Variants in KCNC2 observed in about 807,000 individuals in gnomAD.
The protein encoded by KCNC2 is potassium voltage-gated channel subfamily C member 2.
Under a neutral mutation model 44.5 loss-of-function variants are expected in KCNC2, and 21 were observed. The ratio of observed to expected loss-of-function variants is 0.47; its 90% CI spans 0.33 to 0.68. The LOEUF (loss-of-function observed/expected upper bound fraction) is 0.68, where lower values mean the gene tolerates loss of function less well. Ranked by LOEUF, KCNC2 falls within the 30% of genes least tolerant of loss-of-function variation. KCNC2 has a pLI of 0.01. For missense variants in KCNC2, 589 were observed against 826.2 expected, an observed-to-expected ratio of 0.71 and a Z score of 3.52; for synonymous variants, 391 against 339.1, an observed-to-expected ratio of 1.15 and a Z score of -1.68.
chr12:75,043,846 A>C, intron 4 of KCNC2: 1 of 1,151,122 alleles, frequency 8.7e-7, no homozygotes, highest in Non-Finnish European at 1.2e-6. Context: ...AAAAAAAAGA[A>C]AATGAATGAA....
At chr12:75,114,932 C>T (rs1887540561) in intron 2 of KCNC2, among the ~76,000 whole-genome samples, 1 of 140,896 alleles carries the variant, frequency 7.1e-6, no homozygotes, top group African/African-American at 2.7e-5. Flanking sequence ...GGCGCGATCT[C>T]GGCTCACTGC....
intron 2 of KCNC2, among the ~76,000 whole-genome samples, chr12:75,168,095 C>T (rs1026542908): frequency 2.0e-5 from 3 of 146,688 alleles, no homozygotes; most frequent in African/African-American, 7.4e-5. Flanking sequence ...CATCATTTGC[C>T]CTCCTAAAAC....
At chr12:75,087,352 A>G (rs1468352051) in intron 2 of KCNC2, among the ~76,000 whole-genome samples, 2 of 152,082 alleles carry the variant, frequency 1.3e-5, no homozygotes, top group Non-Finnish European at 2.9e-5. Context: ...GTTAGTCAAG[A>G]TAACATTCTA....
chr12:75,074,702 A>G lies in KCNC2; in HGVS notation c.688-23385T>C, dbSNP rs547638047. ...GCTTTGCTCAGCTCTCATTTATTTC[A>G]TACATATTTATTATACATCTACTGT... On this transcript the variant is annotated intron_variant, in intron 2 of 4. Coordinates refer to ENST00000549446, the MANE Select transcript of KCNC2 (RefSeq NM_139137.4). Among the ~76,000 whole-genome samples the G allele has an allele frequency of 7.2e-5, 11 of 152,302 alleles. 1 individual carries two copies. In the South Asian group the frequency reaches 2.1e-3, roughly 29 times the overall value.
rs183652332 is a variant in KCNC2 at position 75,173,147 on chromosome 12, C to T, written c.687+34150G>A. 5.1e-4 allele frequency among the ~76,000 whole-genome samples: 78 copies of T among 151,956 alleles called. 1 individual carries two copies. Among genetic ancestry groups the T allele is most frequent in the Admixed American group, 5.1e-3 (78 of 15,218 alleles). ...TTATTTACTAGTTCTACTCCATAAT[C>T]ACAATTTACGTCTTCTCCCTTTCAC... On this transcript the variant is annotated intron_variant, in intron 2 of 4. Coordinates refer to ENST00000549446, the MANE Select transcript of KCNC2 (RefSeq NM_139137.4).
At chr12:75,081,671 A>T (rs561848732) in intron 2 of KCNC2, among the ~76,000 whole-genome samples, 1 of 152,162 alleles carries the variant, frequency 6.6e-6, no homozygotes, top group East Asian at 1.9e-4. Context: ...TCCATTCCAG[A>T]TAATAGAGTC....
chr12:75,130,660 G>A (rs1888773140), intron 2 of KCNC2, among the ~76,000 whole-genome samples: 1 of 152,010 alleles, frequency 6.6e-6, no homozygotes, highest in Admixed American at 6.6e-5. Context: ...TCCATCAGGT[G>A]GATATTAAAA....
intron 2 of KCNC2, among the ~76,000 whole-genome samples, chr12:75,111,695 A>G (rs1436851708): frequency 1.3e-5 from 2 of 152,136 alleles, no homozygotes; most frequent in Non-Finnish European, 2.9e-5. Flanking sequence ...ATTAAAATAG[A>G]AAATGTAATG....
chr12:75,065,639 T>C (rs1882757407), intron 2 of KCNC2, among the ~76,000 whole-genome samples: 2 of 152,066 alleles, frequency 1.3e-5, no homozygotes, highest in Non-Finnish European at 2.9e-5. Context: ...TAACATGTTG[T>C]ACAGGTTTGT....
intron 2 of KCNC2, among the ~76,000 whole-genome samples, chr12:75,063,075 T>G (rs1882498628): frequency 6.6e-6 from 1 of 152,104 alleles, no homozygotes; most frequent in Non-Finnish European, 1.5e-5. Context: ...TTTTTAAAAT[T>G]TCAACCATTA....
At chr12:75,079,230 T>G (rs1042413430) in intron 2 of KCNC2, among the ~76,000 whole-genome samples, 2 of 152,072 alleles carry the variant, frequency 1.3e-5, no homozygotes, top group Non-Finnish European at 2.9e-5. Flanking sequence ...GGAGAATTGT[T>G]AAGCATGAAG....
At chr12:75,174,299 C>T (rs559485903) in intron 2 of KCNC2, among the ~76,000 whole-genome samples, 244 of 151,502 alleles carry the variant, frequency 1.6e-3, no homozygotes, top group African/African-American at 5.6e-3. Flanking sequence ...TAAACTTGAT[C>T]GGAATTATTG....
intron 2 of KCNC2, among the ~76,000 whole-genome samples, chr12:75,127,181 C>A (rs1888488186): frequency 6.6e-6 from 1 of 152,130 alleles, no homozygotes; most frequent in Non-Finnish European, 1.5e-5. Flanking sequence ...GCAAAAGTCA[C>A]ATTTTAACAA....
chr12:75,197,991 T>G (rs1225397163), intron 2 of KCNC2, among the ~76,000 whole-genome samples: 1 of 151,910 alleles, frequency 6.6e-6, no homozygotes, highest in African/African-American at 2.4e-5. Context: ...AAAAAAATCT[T>G]GCAACTGATA....
chr12:75,075,150 A>G (rs1263886015), intron 2 of KCNC2, among the ~76,000 whole-genome samples: 2 of 152,128 alleles, frequency 1.3e-5, no homozygotes, highest in African/African-American at 2.4e-5. Context: ...CAATATTGGA[A>G]GTCTGTGCAA....
At chr12:75,193,613 T>A (rs1420911266) in intron 2 of KCNC2, among the ~76,000 whole-genome samples, 1 of 152,042 alleles carries the variant, frequency 6.6e-6, no homozygotes, top group African/African-American at 2.4e-5. Context: ...TGGAGCAAAA[T>A]CTAAGGTACC....
intron 2 of KCNC2, among the ~76,000 whole-genome samples, chr12:75,192,874 A>G (rs1352628820): frequency 1.3e-5 from 2 of 152,298 alleles, no homozygotes; most frequent in African/African-American, 4.8e-5. Context: ...ATAATAATGC[A>G]TTATATATTT....
chr12:75,172,045 C>T (rs1891860704), intron 2 of KCNC2, among the ~76,000 whole-genome samples: 1 of 151,690 alleles, frequency 6.6e-6, no homozygotes, highest in African/African-American at 2.4e-5. Context: ...TAGCCATCAC[C>T]ATACCCACCC....
At chr12:75,064,135 G>A (rs1882597948) in intron 2 of KCNC2, among the ~76,000 whole-genome samples, 1 of 151,912 alleles carries the variant, frequency 6.6e-6, no homozygotes, top group African/African-American at 2.4e-5. Context: ...CCAAATAGAT[G>A]AGTACTGAAA....
Sources: allele counts gnomAD v4.1 joint callset (sites outside exome capture counted in the v4.1 genomes callset), GRCh38; gene constraint gnomAD v4.1.1; transcripts MANE v1.5; gene names NCBI Gene and HGNC (gene_info 2026-07-23, HGNC 2026-07-21).